Variants in TRAPPC9 observed in about 807,000 individuals in gnomAD.
TRAPPC9 encodes IKK2 binding protein.
Under a neutral mutation model 124.0 loss-of-function variants are expected in TRAPPC9, and 83 were observed. The observed-to-expected ratio is 0.67, with a 90% confidence interval of 0.56 to 0.80. The LOEUF is 0.80. TRAPPC9 is among the 30% of genes least tolerant of loss of function. TRAPPC9 has a pLI of 0.00. For synonymous variants in TRAPPC9, 638 were observed against 617.5 expected, an observed-to-expected ratio of 1.03 and a Z score of -0.49; for missense variants, 1,302 against 1,508.3, an observed-to-expected ratio of 0.86 and a Z score of 2.27.
chr8:139,940,761 C>G (rs1315763000), intron 19 of TRAPPC9, among the ~76,000 whole-genome samples: 1 of 152,248 alleles, frequency 6.6e-6, no homozygotes, highest in African/African-American at 2.4e-5. Context: ...TTCCCCACCT[C>G]ATGGCCGTAC....
In TRAPPC9 at chr8:139,732,037, T is replaced by C. The variant is rs1230812945; in HGVS notation, c.3221A>G (p.Asn1074Ser). Residue 1074 changes from asparagine (N) to serine (S), a missense_variant, in exon 22 of 23, where the codon AAC (asparagine) becomes AGC (serine). Around this residue, in one of 3 missense-constraint regions of TRAPPC9, gnomAD observed 640 missense variants for 679.3 expected, o/e 0.94. Transcript: ENST00000438773. The part of the protein sequence containing the change: ...PFQDHQNGVH[N>S]YDLHDTVSFV... ...GGAGACGGTGTCGTGCAGGTCGTAG[T>C]TGTGCACGCCGTTCTGGTGGTCCTG... 6.2e-7 allele frequency: 1 copy of C among 1,604,752 alleles called. No individual in the cohort carries two copies.
intron 19 of TRAPPC9, among the ~76,000 whole-genome samples, chr8:139,964,537 G>C (rs1305958651): frequency 1.3e-5 from 2 of 152,180 alleles, no homozygotes; most frequent in Admixed American, 6.5e-5. Context: ...TGAGCCTCAG[G>C]ATCCTCATCT....
At chr8:140,003,695 C>T (rs2126302) in intron 18 of TRAPPC9, among the ~76,000 whole-genome samples, 3,910 of 151,268 alleles carry the variant, frequency 0.026, 133 homozygotes, top group African/African-American at 0.089. Flanking sequence ...TGAAAACTGA[C>T]AATACCACAT....
chr8:140,197,430 C>T (rs2062695787), intron 17 of TRAPPC9, among the ~76,000 whole-genome samples: 1 of 151,984 alleles, frequency 6.6e-6, no homozygotes, highest in Non-Finnish European at 1.5e-5. Context: ...AGGCCCAGAG[C>T]AGCACGGTGA....
chr8:140,014,141 A>G (rs1476478079), intron 18 of TRAPPC9, among the ~76,000 whole-genome samples: 1 of 152,204 alleles, frequency 6.6e-6, no homozygotes, highest in Non-Finnish European at 1.5e-5. Flanking sequence ...GTGTCTATCA[A>G]TAATGTCGTA....
chr8:139,929,020 G>C (rs550494913), intron 19 of TRAPPC9, among the ~76,000 whole-genome samples: 2 of 152,172 alleles, frequency 1.3e-5, no homozygotes, highest in East Asian at 3.9e-4. Context: ...GCCCAAGCTG[G>C]TGCTGTGCAC....
At chr8:140,089,209 C>G (rs1446147014) in intron 17 of TRAPPC9, among the ~76,000 whole-genome samples, 1 of 152,192 alleles carries the variant, frequency 6.6e-6, no homozygotes, top group Admixed American at 6.5e-5. Context: ...CACTGGGCAG[C>G]CCGCTTCAAA....
chr8:140,419,058 C>T (rs1296159092), intron 5 of TRAPPC9, among the ~76,000 whole-genome samples: 2 of 152,158 alleles, frequency 1.3e-5, no homozygotes, highest in African/African-American at 4.8e-5. Flanking sequence ...CTTTGGGAGG[C>T]GGAGGCGGGT....
chr8:139,742,160 C>T lies in TRAPPC9; in HGVS notation c.3056-9958G>A, dbSNP rs901201663. Among the ~76,000 whole-genome samples, 11 of 152,240 alleles carry T rather than the reference C, an allele frequency of 7.2e-5. No individual in the cohort carries two copies. The highest frequency in any genetic ancestry group is 8.8e-5 in the Non-Finnish European group (6 of 68,048). ...GTGCGGGAGAGGCCTGACTGCTCCA[C>T]GCCTTCTATGGCACTGTGGTTGCCT... On this transcript the variant is annotated intron_variant, in intron 21 of 22. Coordinates refer to ENST00000438773, the MANE Select transcript of TRAPPC9 (RefSeq NM_001160372.4). This position sits in a 1 kb window ranked among gnomAD's most constrained non-coding sequence, Gnocchi z 4.7.
intron 18 of TRAPPC9, among the ~76,000 whole-genome samples, chr8:140,007,429 T>C (rs1587477909): frequency 2.0e-5 from 3 of 152,350 alleles, no homozygotes; most frequent in African/African-American, 7.2e-5. Flanking sequence ...TTCTGGGAAT[T>C]AAGACAATCC....
At chr8:139,894,715 T>A (rs1045199330) in intron 20 of TRAPPC9, among the ~76,000 whole-genome samples, 1 of 151,894 alleles carries the variant, frequency 6.6e-6, no homozygotes, top group South Asian at 2.1e-4. Flanking sequence ...CAGAGGAGAG[T>A]GGAAACGTGT....
At chr8:140,156,951 A>AAAGCCTCCCTTTCCATTCAG (rs2061643522) in intron 17 of TRAPPC9, among the ~76,000 whole-genome samples, 1 of 137,414 alleles carries the variant, frequency 7.3e-6, no homozygotes, top group African/African-American at 2.8e-5. Context: ...TTTCCATTCA[A>AAAGCCTCCCTTTCCATTCAG]AAGCCTCCCT....
chr8:140,331,448 C>T (rs2066892474), intron 9 of TRAPPC9, among the ~76,000 whole-genome samples: 1 of 151,824 alleles, frequency 6.6e-6, no homozygotes, highest in Admixed American at 6.6e-5. Flanking sequence ...AAAGCACAGG[C>T]CAATAAAAAC....
chr8:140,397,640 C>G lies in TRAPPC9; in HGVS notation c.1114G>C (p.Val372Leu), dbSNP rs1198881515. The part of the protein sequence containing the change: ...MEASEFLQNA[V>L]YINLRQLSEE... ...CTCACCTGTCGAAGGTTAATGTAAA[C>G]TGCATTCTGAAGAAATTCTGATGCT... The change falls in exon 7 of 23, where the codon GTT becomes CTT. Residue 372 changes from valine to leucine, a missense_variant. By Grantham distance (32) the Val-to-Leu change is conservative. Transcript: ENST00000438773. 6.2e-7 allele frequency: 1 copy of G among 1,614,170 alleles called. No homozygotes were observed. Among genetic ancestry groups the G allele is most frequent in the East Asian group, 2.2e-5 (1 of 44,884 alleles).
chr8:139,755,727 G>C (rs1586772467), intron 21 of TRAPPC9, among the ~76,000 whole-genome samples: 2 of 134,636 alleles, frequency 1.5e-5, no homozygotes, highest in Non-Finnish European at 3.1e-5. Flanking sequence ...GAGGAGCCAG[G>C]GTTTGGGGAT....
rs1379424638 is a variant in TRAPPC9 at position 140,027,805 on chromosome 8, G to A, written c.2557-3726C>T. On this transcript the variant is annotated intron_variant, in intron 17 of 22. Coordinates refer to ENST00000438773, the MANE Select transcript of TRAPPC9 (RefSeq NM_001160372.4). ...GGGAAGAAGCATATCTTACATGGCGGCAGGAGAAAGTGAGTGAGTGTGTGT... is the reference window on the plus strand; with the variant it reads ...GGGAAGAAGCATATCTTACATGGCGACAGGAGAAAGTGAGTGAGTGTGTGT... Among the ~76,000 whole-genome samples the A allele has an allele frequency of 2.6e-5, 4 of 152,232 alleles. No homozygotes were observed. In the East Asian group the frequency reaches 7.7e-4, roughly 29 times the overall value.
intron 21 of TRAPPC9, among the ~76,000 whole-genome samples, chr8:139,841,028 A>G (rs552189446): frequency 4.6e-5 from 7 of 152,216 alleles, no homozygotes; most frequent in Non-Finnish European, 1.0e-4. Context: ...TTCTAGAGCT[A>G]GAAGTATGAA....
chr8:140,033,657 G>GTTTTTT (rs1491525674), intron 17 of TRAPPC9, among the ~76,000 whole-genome samples: 11 of 49,260 alleles, frequency 2.2e-4, no homozygotes, highest in South Asian at 1.3e-3. Context: ...TTCATAATGT[G>GTTTTTT]GTTTTTTTTT....
chr8:140,410,118 G>GT (rs1480160163), intron 5 of TRAPPC9, among the ~76,000 whole-genome samples: 1 of 135,784 alleles, frequency 7.4e-6, no homozygotes, highest in African/African-American at 2.7e-5. Context: ...TCCAGCCTGG[G>GT]TGAGGGCATG....
Sources: allele counts gnomAD v4.1 joint callset (sites outside exome capture counted in the v4.1 genomes callset), GRCh38; gene constraint gnomAD v4.1.1; regional missense constraint gnomAD v4.1.1; non-coding constraint Gnocchi (gnomAD v3.1); transcripts MANE v1.5; gene names NCBI Gene and HGNC (gene_info 2026-07-23, HGNC 2026-07-21).